Variants in LY6G6C observed in about 807,000 individuals in gnomAD.
LY6G6C encodes the protein lymphocyte antigen 6 complex locus protein G6c.
In LY6G6C, 12 loss-of-function variants were observed where a neutral mutation model predicts 12.8. The observed-to-expected ratio is 0.94, with a 90% confidence interval of 0.60 to 1.52. The LOEUF is 1.52. Ranked by LOEUF, LY6G6C falls within the 40% of genes most tolerant of loss-of-function variation. The probability of loss-of-function intolerance (pLI) is 0.00; values close to 1 mark genes in which losing one functional copy is unlikely to be tolerated. For synonymous variants in LY6G6C, 42 were observed against 61.6 expected, an observed-to-expected ratio of 0.68 and a Z score of 1.49; for missense variants, 125 against 155.8, an observed-to-expected ratio of 0.80 and a Z score of 1.05.
At chr6:31,719,336 C>A in intron 2 of LY6G6C, 26 bp from the exon 3 acceptor site, 2 of 1,607,360 alleles carry the variant, frequency 1.2e-6, no homozygotes, top group Non-Finnish European at 1.7e-6. Flanking sequence ...GGCAGGGAAT[C>A]GGCCAGGATG....
chr6:31,719,120 G>T lies in LY6G6C; in HGVS notation c.354C>A (p.Gly118=), dbSNP rs765072978. ...LGLVFLTSLA[G]LGLWLLH Reference sequence around the variant, plus strand: ...CTCAGTGCAGCAGCCAGAGGCCAAGGCCAGCCAAGGAGGTAAGGAAGACAA... The same window carrying T: ...CTCAGTGCAGCAGCCAGAGGCCAAGTCCAGCCAAGGAGGTAAGGAAGACAA... The change falls in exon 3 of 3, where the codon GGC becomes GGA. Residue 118 remains glycine (G), a synonymous_variant. Coordinates refer to ENST00000375819, the MANE Select transcript of LY6G6C (RefSeq NM_025261.3). The T allele has an allele frequency of 6.2e-7, 1 of 1,613,980 alleles. No homozygotes were observed. The highest frequency in any genetic ancestry group is 1.1e-5 in the South Asian group (1 of 91,084).
intron 1 of LY6G6C, 60 bp downstream of exon 1, chr6:31,721,568 G>C (rs1460087477): frequency 1.3e-6 from 2 of 1,526,460 alleles, no homozygotes; most frequent in Non-Finnish European, 1.8e-6. Flanking sequence ...GAAGTGGGTA[G>C]AGCAGGGTGT....
At chr6:31,719,832 C>A (rs145979200) in intron 2 of LY6G6C, among the ~76,000 whole-genome samples, 1 of 152,142 alleles carries the variant, frequency 6.6e-6, no homozygotes, top group South Asian at 2.1e-4. Flanking sequence ...CCACCATGCC[C>A]GGCTGTGTTA....
Position 31,720,203 on chromosome 6 carries a change from G to T in LY6G6C, c.53C>A (p.Ala18Asp), listed in dbSNP as rs1418835877. 1 of 1,611,050 alleles carries T rather than the reference G, an allele frequency of 6.2e-7. No homozygotes were observed. The highest frequency in any genetic ancestry group is 8.5e-7 in the Non-Finnish European group (1 of 1,178,350). Residue 18 changes from alanine (A) to aspartate (D), a missense_variant and splice_region_variant, in exon 2 of 3, where the codon GCT (alanine) becomes GAT (aspartate). By Grantham distance (126) the Ala-to-Asp change is moderately radical (BLOSUM62 -2). Transcript: ENST00000375819. The surrounding 1 kb of genome is among the most constrained non-coding windows in gnomAD (Gnocchi z 4.9). Reference sequence around the variant, plus strand: ...GTAGCAGGAGTGACAGCGAATGTCAGCTGGGAAGACACAAGTCAGGCTGAG... The same window carrying T: ...GTAGCAGGAGTGACAGCGAATGTCATCTGGGAAGACACAAGTCAGGCTGAG... The part of the protein sequence containing the change: ...TLSVLLCWVS[A>D]DIRCHSCYKV...
rs1468124163 is a variant in LY6G6C, at chr6:31,720,752, C to G, written c.53-549G>C. 6.6e-6 allele frequency among the ~76,000 whole-genome samples: 1 copy of G among 152,144 alleles called. No individual in the cohort carries two copies. The highest frequency in any genetic ancestry group is 1.5e-5 in the Non-Finnish European group (1 of 68,012). ...AGAGGAACCAGACCTGAATAGAATC[C>G]TCTCACCCCAGTAGCTCTTCAGCAG... On this transcript the variant is annotated intron_variant, in intron 1 of 2. Coordinates refer to ENST00000375819, the MANE Select transcript of LY6G6C (RefSeq NM_025261.3). The surrounding 1 kb of genome is among the most constrained non-coding windows in gnomAD (Gnocchi z 4.9).
chr6:31,718,856 A>G lies in LY6G6C; in HGVS notation c.*240T>C. The G allele has an allele frequency of 3.5e-6, 2 of 571,282 alleles. No individual in the cohort carries two copies. Among genetic ancestry groups the G allele is most frequent in the Non-Finnish European group, 6.2e-6 (2 of 320,770 alleles). The allele number at this position is 571,282 out of a possible 1,614,324, so 35.4% of individuals were successfully genotyped here. A position where few individuals can be genotyped will look rare whatever the true frequency, so the allele number is the denominator to read the frequency against. ...GGGGACAGCAGAGTATAGGAAGCAAAGTGGGGAGCCCTTCTAGGAGCCAAT... is the reference window on the plus strand; with the variant it reads ...GGGGACAGCAGAGTATAGGAAGCAAGGTGGGGAGCCCTTCTAGGAGCCAAT... On this transcript the variant is annotated 3_prime_UTR_variant, in exon 3 of 3. Coordinates refer to ENST00000375819, the MANE Select transcript of LY6G6C (RefSeq NM_025261.3).
At chr6:31,719,576 G>A (rs571945790) in intron 2 of LY6G6C, among the ~76,000 whole-genome samples, 4 of 151,974 alleles carry the variant, frequency 2.6e-5, no homozygotes, top group Admixed American at 6.6e-5. Context: ...TCTCACTCTC[G>A]CCCAGGCTGG....
At chr6:31,721,141 G>A (rs1048062069) in intron 1 of LY6G6C, 2 of 158,528 alleles carry the variant, frequency 1.3e-5, no homozygotes, top group East Asian at 1.8e-4. Context: ...GAAAGGCCAT[G>A]GCTGAGAGAC....
Position 31,719,004 on chromosome 6 carries a change from AGAC to A in LY6G6C, c.*89_*91del. ...AATTAAAGAAATGGGAGCTAGGGAG[AGAC>A]GATTCTGTAAAGCCAGGGGATACAG... On this transcript the variant is annotated 3_prime_UTR_variant, in exon 3 of 3. Transcript: ENST00000375819. 1 of 1,075,398 alleles carries A rather than the reference AGAC, an allele frequency of 9.3e-7. No individual in the cohort carries two copies. The highest frequency in any genetic ancestry group is 2.4e-5 in the East Asian group (1 of 42,136). The allele number at this position is 1,075,398 out of a possible 1,614,324, so 66.6% of individuals were successfully genotyped here.
In LY6G6C at chr6:31,721,706, C is replaced by G; in HGVS notation, c.-27G>C. The G allele has an allele frequency of 6.2e-7, 1 of 1,612,728 alleles. No individual in the cohort carries two copies. Among genetic ancestry groups the G allele is most frequent in the Non-Finnish European group, 8.5e-7 (1 of 1,178,886 alleles). ...GCGAGGGTCCTGAGAATGGTGGCAA[C>G]CACAGCAGCTGATAGAGTAGATTTT... On this transcript the variant is annotated 5_prime_UTR_variant, in exon 1 of 3. Coordinates refer to ENST00000375819, the MANE Select transcript of LY6G6C (RefSeq NM_025261.3).
In LY6G6C at chr6:31,718,686, G is replaced by A. The variant is rs1806615408; in HGVS notation, c.*410C>T. ...TTTATTACTCAAAATGGAAAGAGGTGAGTATGGGGGATGGGGTACATATGG... is the reference window on the plus strand; with the variant it reads ...TTTATTACTCAAAATGGAAAGAGGTAAGTATGGGGGATGGGGTACATATGG... On this transcript the variant is annotated 3_prime_UTR_variant, in exon 3 of 3. Coordinates refer to ENST00000375819, the MANE Select transcript of LY6G6C (RefSeq NM_025261.3). 1 of 233,378 alleles carries A rather than the reference G, an allele frequency of 4.3e-6. No individual in the cohort carries two copies. The highest frequency in any genetic ancestry group is 8.3e-6 in the Non-Finnish European group (1 of 119,904). 14.5% of individuals were successfully genotyped at this position (233,378 alleles called of 1,614,324 possible). A position where few individuals can be genotyped will look rare whatever the true frequency, so the allele number is the denominator to read the frequency against.
In LY6G6C at chr6:31,720,035, G is replaced by T; in HGVS notation, c.163+58C>A. 1 of 1,237,666 alleles carries T rather than the reference G, an allele frequency of 8.1e-7. No homozygotes were observed. The highest frequency in any genetic ancestry group is 1.2e-6 in the Non-Finnish European group (1 of 842,836). 76.7% of individuals were successfully genotyped at this position (1,237,666 alleles called of 1,614,324 possible). A position where few individuals can be genotyped will look rare whatever the true frequency, so the allele number is the denominator to read the frequency against. Reference sequence around the variant, plus strand: ...CAGTCTTAGACCCATTTGGGCCTCAGTCCTGGTCATAGAGGCTCCCACCTC... The same window carrying T: ...CAGTCTTAGACCCATTTGGGCCTCATTCCTGGTCATAGAGGCTCCCACCTC... On this transcript the variant is annotated intron_variant, in intron 2 of 2. Coordinates refer to ENST00000375819, the MANE Select transcript of LY6G6C (RefSeq NM_025261.3). This position sits in a 1 kb window ranked among gnomAD's most constrained non-coding sequence, Gnocchi z 4.9.
At position 31,720,396 on chromosome 6, in the gene LY6G6C, T is replaced by A. The variant is rs1171975586; in HGVS notation, c.53-193A>T. Among the ~76,000 whole-genome samples the A allele has an allele frequency of 6.6e-6, 1 of 152,022 alleles. No individual in the cohort carries two copies. The highest frequency in any genetic ancestry group is 1.5e-5 in the Non-Finnish European group (1 of 67,992). On this transcript the variant is annotated intron_variant, in intron 1 of 2. Transcript: ENST00000375819. The surrounding 1 kb of genome is among the most constrained non-coding windows in gnomAD (Gnocchi z 4.9). ...ATGGAAAGTGGGCGGCAGGTAAGGG[T>A]AGAGCTGTTGCTTTGTGAAAGGCCC...
intron 2 of LY6G6C, 70 bp from the exon 3 acceptor site, chr6:31,719,380 C>A: frequency 7.5e-7 from 1 of 1,338,848 alleles, no homozygotes. Flanking sequence ...CCTCCCCACC[C>A]CATCCACCCA....
rs1806624441 is a variant in LY6G6C at position 31,718,846 on chromosome 6, TA to T, written c.*249del. 1 of 566,290 alleles carries T rather than the reference TA, an allele frequency of 1.8e-6. No homozygotes were observed. The highest frequency in any genetic ancestry group is 3.1e-6 in the Non-Finnish European group (1 of 318,052). The allele number at this position is 566,290 out of a possible 1,614,324, so 35.1% of individuals were successfully genotyped here. A position where few individuals can be genotyped will look rare whatever the true frequency, so the allele number is the denominator to read the frequency against. ...TCCTCAAGTAGGGGACAGCAGAGTA[TA>T]GGAAGCAAAGTGGGGAGCCCTTCTA... On this transcript the variant is annotated 3_prime_UTR_variant, in exon 3 of 3. Transcript: ENST00000375819.
Position 31,720,274 on chromosome 6 carries a change from A to T in LY6G6C, c.53-71T>A. On this transcript the variant is annotated intron_variant, in intron 1 of 2. Coordinates refer to ENST00000375819, the MANE Select transcript of LY6G6C (RefSeq NM_025261.3). This position sits in a 1 kb window ranked among gnomAD's most constrained non-coding sequence, Gnocchi z 4.9. ...CCTGGGGATAAGCTGAGCTGGGGGCAGGGGTGGAGGGTGGAGAAGAGCCCA... is the reference window on the plus strand; with the variant it reads ...CCTGGGGATAAGCTGAGCTGGGGGCTGGGGTGGAGGGTGGAGAAGAGCCCA... The T allele has an allele frequency of 9.1e-7, 1 of 1,100,864 alleles. No individual in the cohort carries two copies. Among genetic ancestry groups the T allele is most frequent in the East Asian group, 2.4e-5 (1 of 41,566 alleles). The allele number at this position is 1,100,864 out of a possible 1,614,324, so 68.2% of individuals were successfully genotyped here. A position where few individuals can be genotyped will look rare whatever the true frequency, so the allele number is the denominator to read the frequency against.
intron 1 of LY6G6C, 33 bp downstream of exon 1, chr6:31,721,595 C>T: frequency 6.2e-7 from 1 of 1,607,798 alleles, no homozygotes; most frequent in Non-Finnish European, 8.5e-7. Context: ...CCTGACCAGG[C>T]AAACCAGGTC....
At position 31,721,643 on chromosome 6, in the gene LY6G6C, G is replaced by A. The variant is rs1292090243; in HGVS notation, c.37C>T (p.Leu13Phe). 6.2e-7 allele frequency: 1 copy of A among 1,613,904 alleles called. No individual in the cohort carries two copies. Among genetic ancestry groups the A allele is most frequent in the Non-Finnish European group, 8.5e-7 (1 of 1,179,950 alleles). Residue 13 changes from leucine to phenylalanine, a missense_variant, in exon 1 of 3, where the codon CTC becomes TTC. Coordinates refer to ENST00000375819, the MANE Select transcript of LY6G6C (RefSeq NM_025261.3). ...AGGTGCTCACCTGAGACCCAGCAGA[G>A]CAGAACAGACAGGGTGAGCAGCATA... Reference protein sequence around the residue: ...ALMLLTLSVLLCWVSADIRCH... With the variant: ...ALMLLTLSVLFCWVSADIRCH...
chr6:31,719,021 C>T lies in LY6G6C; in HGVS notation c.*75G>A. ...CTAGGGAGAGACGATTCTGTAAAGCCAGGGGATACAGAGACACAGGGAGAG... is the reference window on the plus strand; with the variant it reads ...CTAGGGAGAGACGATTCTGTAAAGCTAGGGGATACAGAGACACAGGGAGAG... On this transcript the variant is annotated 3_prime_UTR_variant, in exon 3 of 3. Transcript: ENST00000375819. The T allele has an allele frequency of 7.8e-7, 1 of 1,278,366 alleles. No homozygotes were observed. The highest frequency in any genetic ancestry group is 1.5e-5 in the African/African-American group (1 of 67,888). The allele number at this position is 1,278,366 out of a possible 1,614,324, so 79.2% of individuals were successfully genotyped here.
Sources: allele counts gnomAD v4.1 joint callset (sites outside exome capture counted in the v4.1 genomes callset), GRCh38; gene constraint gnomAD v4.1.1; non-coding constraint Gnocchi (gnomAD v3.1); transcripts MANE v1.5; gene names NCBI Gene and HGNC (gene_info 2026-07-23, HGNC 2026-07-21).